The following CTNNA3 variants were observed in gnomAD, a reference collection of about 807,000 sequenced individuals.
The protein encoded by CTNNA3 is catenin alpha 3.
CTNNA3 carries 76 observed loss-of-function variants against 95.7 expected under a neutral mutation model. The ratio of observed to expected loss-of-function variants is 0.79; its 90% CI spans 0.66 to 0.96. The LOEUF (loss-of-function observed/expected upper bound fraction) is 0.96. Among genes scored for constraint, CTNNA3 ranks in the 40% least tolerant of loss-of-function variants. The pLI is 0.00. For synonymous variants in CTNNA3, 431 were observed against 374.4 expected, an observed-to-expected ratio of 1.15 and a Z score of -1.74; for missense variants, 1,191 against 1,089.8, an observed-to-expected ratio of 1.09 and a Z score of -1.31.
At chr10:66,618,099 A>G (rs979652649) in intron 10 of CTNNA3, among the ~76,000 whole-genome samples, 1 of 152,152 alleles carries the variant, frequency 6.6e-6, no homozygotes, top group African/African-American at 2.4e-5. Flanking sequence ...ATGCTCATGG[A>G]TAGGAAGAAT....
chr10:66,150,047 T>C (rs2084112189), intron 13 of CTNNA3, among the ~76,000 whole-genome samples: 1 of 152,192 alleles, frequency 6.6e-6, no homozygotes, highest in African/African-American at 2.4e-5. Flanking sequence ...TGGTTTTTCT[T>C]TGTTTTCCAT....
chr10:67,322,112 C>T (rs1013945571), intron 5 of CTNNA3, among the ~76,000 whole-genome samples: 5 of 68,154 alleles, frequency 7.3e-5, no homozygotes, highest in African/African-American at 1.4e-4. Flanking sequence ...CATGCTTATA[C>T]TTGAAAAAAA....
intron 7 of CTNNA3, among the ~76,000 whole-genome samples, chr10:67,177,575 A>G (rs959053222): frequency 6.6e-6 from 1 of 152,230 alleles, no homozygotes; most frequent in Non-Finnish European, 1.5e-5. Context: ...AAGGAGACAC[A>G]GTATTCCTTA....
chr10:67,732,443 T>C (rs1841280571), intron 1 of CTNNA3, among the ~76,000 whole-genome samples: 2 of 152,308 alleles, frequency 1.3e-5, no homozygotes, highest in South Asian at 4.1e-4. Context: ...TTTATCTTCT[T>C]GATAAGTAAA....
At chr10:66,775,034 T>A (rs550661691) in intron 8 of CTNNA3, among the ~76,000 whole-genome samples, 1 of 152,208 alleles carries the variant, frequency 6.6e-6, no homozygotes, top group Non-Finnish European at 1.5e-5. Flanking sequence ...TGAACTCTGA[T>A]GTAATACAAT....
At chr10:67,614,805 G>A (rs1843593782) in intron 2 of CTNNA3, among the ~76,000 whole-genome samples, 1 of 152,166 alleles carries the variant, frequency 6.6e-6, no homozygotes, top group African/African-American at 2.4e-5. Flanking sequence ...AGTTCTGGAG[G>A]TCAGAAGTCC....
Position 66,927,939 on chromosome 10 carries a change from C to A in CTNNA3, c.1048-152415G>T, listed in dbSNP as rs761368920. On this transcript the variant is annotated intron_variant, in intron 7 of 17. Coordinates refer to ENST00000433211, the MANE Select transcript of CTNNA3 (RefSeq NM_013266.4). This position sits in a 1 kb window ranked among gnomAD's most constrained non-coding sequence, Gnocchi z 4.7. ...TAAGGGAGAATACAATTATCTGTGC[C>A]AGTCCCAAAGAGCTGCAAGGAGTAA... 7 of 1,614,074 alleles carry A rather than the reference C, an allele frequency of 4.3e-6. No homozygotes were observed. Among genetic ancestry groups the A allele is most frequent in the Non-Finnish European group, 5.9e-6 (7 of 1,180,048 alleles).
intron 7 of CTNNA3, among the ~76,000 whole-genome samples, chr10:67,070,950 T>C (rs765591909): frequency 6.6e-6 from 1 of 152,196 alleles, no homozygotes; most frequent in Non-Finnish European, 1.5e-5. Context: ...TACTGTTCTT[T>C]TAGTGTTTAC....
At chr10:67,754,560 C>G (rs539241675) in intron 1 of CTNNA3, among the ~76,000 whole-genome samples, 2 of 152,260 alleles carry the variant, frequency 1.3e-5, no homozygotes, top group East Asian at 3.9e-4. Flanking sequence ...AAGTCTAAGA[C>G]CTGAAACTAT....
intron 5 of CTNNA3, among the ~76,000 whole-genome samples, chr10:67,271,007 C>T (rs567163488): frequency 1.3e-5 from 2 of 152,230 alleles, no homozygotes; most frequent in South Asian, 4.1e-4. Context: ...GTGTTACTCT[C>T]CAAATCATGC....
At chr10:66,393,572 A>G (rs573926620) in intron 11 of CTNNA3, among the ~76,000 whole-genome samples, 1 of 152,130 alleles carries the variant, frequency 6.6e-6, no homozygotes, top group African/African-American at 2.4e-5. Flanking sequence ...ACATACTACA[A>G]TTTTCTGAGA....
intron 13 of CTNNA3, among the ~76,000 whole-genome samples, chr10:66,192,627 C>T (rs1292377533): frequency 6.6e-6 from 1 of 152,094 alleles, no homozygotes; most frequent in Non-Finnish European, 1.5e-5. Context: ...GACCTTTGCT[C>T]CCATTTCTAG....
intron 1 of CTNNA3, among the ~76,000 whole-genome samples, chr10:67,721,748 T>C (rs1257804654): frequency 6.6e-6 from 1 of 152,196 alleles, no homozygotes. Context: ...CTTCTGGTTT[T>C]TGGAATTTTC....
At chr10:66,126,599 A>G (rs1229963183) in intron 13 of CTNNA3, among the ~76,000 whole-genome samples, 1 of 152,196 alleles carries the variant, frequency 6.6e-6, no homozygotes, top group Non-Finnish European at 1.5e-5. Flanking sequence ...TGGGAAGGAA[A>G]TATATAGAAA....
chr10:67,731,616 C>A (rs1414099639), intron 1 of CTNNA3, among the ~76,000 whole-genome samples: 1 of 151,928 alleles, frequency 6.6e-6, no homozygotes, highest in Non-Finnish European at 1.5e-5. Context: ...TCCTGGCTAA[C>A]ACGGTGAAAC....
At chr10:67,247,747 C>A (rs1865955896) in intron 5 of CTNNA3, among the ~76,000 whole-genome samples, 1 of 152,058 alleles carries the variant, frequency 6.6e-6, no homozygotes, top group South Asian at 2.1e-4. Flanking sequence ...AAGAATTCCC[C>A]TCATTTGATC....
At chr10:67,454,697 C>A (rs1241580060) in intron 5 of CTNNA3, among the ~76,000 whole-genome samples, 1 of 152,000 alleles carries the variant, frequency 6.6e-6, no homozygotes, top group Non-Finnish European at 1.5e-5. Context: ...TCAACTCTAA[C>A]ATTTTATGAA....
At chr10:66,784,750 G>C (rs988439620) in intron 7 of CTNNA3, among the ~76,000 whole-genome samples, 1 of 152,062 alleles carries the variant, frequency 6.6e-6, no homozygotes, top group African/African-American at 2.4e-5. Context: ...CCATAATAAA[G>C]GTATAAAGGT....
chr10:66,264,806 C>T (rs956952881), intron 13 of CTNNA3, among the ~76,000 whole-genome samples: 6 of 151,918 alleles, frequency 3.9e-5, no homozygotes, highest in Non-Finnish European at 8.8e-5. Flanking sequence ...TTTCCAATAA[C>T]ATACTTCCTA....
Sources: gnomAD v4.1 joint callset for allele counts (sites outside exome capture counted in the v4.1 genomes callset) on GRCh38, gnomAD v4.1.1 for gene constraint, Gnocchi (gnomAD v3.1) non-coding constraint, MANE v1.5 for transcripts, NCBI Gene and HGNC (gene_info 2026-07-23, HGNC 2026-07-21) for gene names.